Variants in ERBB4 observed in about 807,000 individuals in gnomAD.
ERBB4 encodes the protein erb-b2 receptor tyrosine kinase 4, also known as receptor tyrosine-protein kinase erbB-4.
In ERBB4, 42 loss-of-function variants were observed where a neutral mutation model predicts 158.0. That is an observed-to-expected ratio of 0.27 (90% CI 0.21 to 0.34). The LOEUF is 0.34. Ranked by LOEUF, ERBB4 falls within the 10% of genes least tolerant of loss-of-function variation. The pLI, the probability that ERBB4 is intolerant of heterozygous loss-of-function variation, is 1.00. For synonymous variants in ERBB4, 583 were observed against 558.7 expected (o/e 1.04, Z -0.61); for missense variants, 1,333 against 1,624.1 (o/e 0.82, Z 3.08).
intron 21 of ERBB4, among the ~76,000 whole-genome samples, chr2:211,429,888 A>C (rs1284886562): frequency 2.0e-5 from 3 of 152,176 alleles, no homozygotes; most frequent in African/African-American, 7.2e-5. Context: ...GCTTTAGACA[A>C]ATCTTATGTC....
At chr2:212,204,407 G>A (rs1190390270) in intron 1 of ERBB4, among the ~76,000 whole-genome samples, 1 of 152,022 alleles carries the variant, frequency 6.6e-6, no homozygotes, top group Non-Finnish European at 1.5e-5. Context: ...TAAAATATCA[G>A]TATTTGTGGG....
chr2:212,041,235 A>G (rs1414630130), intron 2 of ERBB4, among the ~76,000 whole-genome samples: 1 of 152,196 alleles, frequency 6.6e-6, no homozygotes, highest in Non-Finnish European at 1.5e-5. Flanking sequence ...AACGGGTTAC[A>G]AAATTATAGC....
intron 3 of ERBB4, among the ~76,000 whole-genome samples, chr2:211,921,652 G>C (rs1038750722): frequency 2.6e-5 from 4 of 152,022 alleles, no homozygotes; most frequent in African/African-American, 9.7e-5. Flanking sequence ...ATTTTACATA[G>C]AGTGACTGGT....
intron 1 of ERBB4, among the ~76,000 whole-genome samples, chr2:212,424,706 T>C (rs1012224222): frequency 6.6e-6 from 1 of 152,148 alleles, no homozygotes; most frequent in Non-Finnish European, 1.5e-5. Context: ...TAACAAATTT[T>C]TTTTTGTTTT....
chr2:212,308,632 A>T (rs2086904358), intron 1 of ERBB4, among the ~76,000 whole-genome samples: 1 of 150,976 alleles, frequency 6.6e-6, no homozygotes, highest in Non-Finnish European at 1.5e-5. Context: ...TTTCCCCTCA[A>T]CTAAAGAGAA....
chr2:211,482,234 G>T (rs2065100684), intron 20 of ERBB4, among the ~76,000 whole-genome samples: 1 of 152,164 alleles, frequency 6.6e-6, no homozygotes, highest in African/African-American at 2.4e-5. Flanking sequence ...CCCAGGTGAA[G>T]AATCATCCAA....
chr2:212,058,940 G>C (rs546925886), intron 2 of ERBB4, among the ~76,000 whole-genome samples: 57 of 152,270 alleles, frequency 3.7e-4, no homozygotes, highest in Non-Finnish European at 7.1e-4. Context: ...GTTCTGGCCA[G>C]GGCAATCAGG....
chr2:211,403,484 T>C lies in ERBB4; in HGVS notation c.3136-15492A>G, dbSNP rs375969564. 3.3e-5 allele frequency among the ~76,000 whole-genome samples: 5 copies of C among 152,286 alleles called. No individual in the cohort carries two copies. The East Asian group carries it at 5.8e-4, about 18-fold the overall frequency. ...GAGTGTTCATGCTCATTGGTATCAC[T>C]GAGATTGCAATTATGCCTGGCTTGG... On this transcript the variant is annotated intron_variant, in intron 25 of 27. Transcript: ENST00000342788.
intron 12 of ERBB4, among the ~76,000 whole-genome samples, chr2:211,700,772 C>G (rs1339692958): frequency 6.6e-6 from 1 of 151,970 alleles, no homozygotes; most frequent in Non-Finnish European, 1.5e-5. Context: ...TTATGTGTAC[C>G]CTGGAGAGAT....
At chr2:212,287,466 CATA>C (rs1299444135) in intron 1 of ERBB4, among the ~76,000 whole-genome samples, 9 of 152,230 alleles carry the variant, frequency 5.9e-5, no homozygotes, top group African/African-American at 2.2e-4. Context: ...TTTCTATTAA[CATA>C]ATTTTTTATG....
chr2:211,506,698 G>A (rs1196059279), intron 20 of ERBB4, among the ~76,000 whole-genome samples: 1 of 148,302 alleles, frequency 6.7e-6, no homozygotes, highest in Non-Finnish European at 1.5e-5. Flanking sequence ...TAAAAAAATT[G>A]AAACAAATGA....
At chr2:211,615,413 G>A (rs1000510675) in intron 19 of ERBB4, among the ~76,000 whole-genome samples, 1 of 152,072 alleles carries the variant, frequency 6.6e-6, no homozygotes, top group East Asian at 1.9e-4. Flanking sequence ...AGAACTAGGA[G>A]CAGGTGTAAA....
intron 20 of ERBB4, among the ~76,000 whole-genome samples, chr2:211,489,733 CAA>C (rs1196620890): frequency 6.6e-6 from 1 of 151,736 alleles, no homozygotes; most frequent in Non-Finnish European, 1.5e-5. Flanking sequence ...TACAACATGA[CAA>C]ATAGCATATG....
intron 3 of ERBB4, among the ~76,000 whole-genome samples, chr2:211,796,884 T>C (rs2076394010): frequency 2.0e-5 from 3 of 151,994 alleles, no homozygotes; most frequent in Admixed American, 2.0e-4. Context: ...ATTTTTGTTG[T>C]TATTGTTAAG....
At chr2:211,605,873 T>C (rs2068962002) in intron 19 of ERBB4, among the ~76,000 whole-genome samples, 1 of 152,128 alleles carries the variant, frequency 6.6e-6, no homozygotes. Flanking sequence ...CCCATTGAGC[T>C]CCCAACTTGT....
intron 20 of ERBB4, among the ~76,000 whole-genome samples, chr2:211,451,252 G>GA (rs2064239646): frequency 6.6e-6 from 1 of 152,262 alleles, no homozygotes; most frequent in Non-Finnish European, 1.5e-5. Context: ...GAAGAGGACT[G>GA]AAAAAATGCC....
intron 1 of ERBB4, among the ~76,000 whole-genome samples, chr2:212,503,193 T>C (rs1416439173): frequency 1.3e-5 from 2 of 152,252 alleles, no homozygotes; most frequent in Non-Finnish European, 2.9e-5. Flanking sequence ...TGGGTTAAGC[T>C]ACTGTAACAC....
At chr2:211,611,575 A>G (rs1048574266) in intron 19 of ERBB4, among the ~76,000 whole-genome samples, 3 of 152,046 alleles carry the variant, frequency 2.0e-5, no homozygotes, top group African/African-American at 4.8e-5. Context: ...ATGAAGAAAA[A>G]CCTTCAATCG....
intron 1 of ERBB4, among the ~76,000 whole-genome samples, chr2:212,213,739 T>G (rs1307332892): frequency 6.6e-6 from 1 of 151,896 alleles, no homozygotes; most frequent in African/African-American, 2.4e-5. Context: ...AAGGGCATAA[T>G]CACCAGGCCC....
Sources: gnomAD v4.1 joint callset for allele counts (sites outside exome capture counted in the v4.1 genomes callset) on GRCh38, gnomAD v4.1.1 for gene constraint, MANE v1.5 for transcripts, NCBI Gene and HGNC (gene_info 2026-07-23, HGNC 2026-07-21) for gene names.